The following PRELID2 variants were observed in gnomAD, a reference collection of about 807,000 sequenced individuals.
PRELID2 encodes PRELI domain containing 2.
PRELID2 carries 25 observed loss-of-function variants against 28.4 expected under a neutral mutation model. The observed-to-expected ratio is 0.88, with a 90% CI of 0.64 to 1.23. The LOEUF (loss-of-function observed/expected upper bound fraction) is 1.23, where lower values mean the gene tolerates loss of function less well. PRELID2 is among the 50% of genes most tolerant of loss of function. PRELID2 has a pLI of 0.00. For synonymous variants in PRELID2, 76 were observed against 71.6 expected (o/e 1.06, Z -0.31); for missense variants, 201 against 214.4 (o/e 0.94, Z 0.39).
chr5:145,567,406 C>T lies in PRELID2; in HGVS notation n.71-94091G>A, dbSNP rs182870714. 1.2e-3 allele frequency among the ~76,000 whole-genome samples: 172 copies of T among 139,694 alleles called. 1 individual carries two copies. The highest frequency in any genetic ancestry group is 0.011 in the South Asian group (53 of 4,668). 91.6% of individuals were successfully genotyped at this position (139,694 alleles called of 152,430 possible). A position where few individuals can be genotyped will look rare whatever the true frequency, so the allele number is the denominator to read the frequency against. ...GTTTGGTTTGGTTTTGAAACAGGGT[C>T]TCACTCTGTCACCAAGGCTGGGGTG... On this transcript the variant is annotated intron_variant and non_coding_transcript_variant, in intron 1 of 2. Coordinates refer to the PRELID2 transcript ENST00000510259.
intron 1 of PRELID2, among the ~76,000 whole-genome samples, chr5:145,698,407 T>C (rs1348283984): frequency 2.0e-5 from 3 of 152,202 alleles, no homozygotes; most frequent in African/African-American, 7.2e-5. Context: ...TAACTAAATA[T>C]ATCATTACAA....
At chr5:145,620,503 G>A (rs981322506) in intron 1 of PRELID2, among the ~76,000 whole-genome samples, 1 of 152,146 alleles carries the variant, frequency 6.6e-6, no homozygotes, top group Non-Finnish European at 1.5e-5. Flanking sequence ...GGGAGCACTA[G>A]GTATAGGGGA....
chr5:145,783,351 A>C (rs780958158), intron 5 of PRELID2, among the ~76,000 whole-genome samples: 2 of 152,224 alleles, frequency 1.3e-5, no homozygotes, highest in Admixed American at 1.3e-4. Context: ...AAAAAAATGT[A>C]TCACTTACAG....
At chr5:145,404,218 G>A in the PRELID2 span, among the ~76,000 whole-genome samples, 1 of 152,168 alleles carries the variant, frequency 6.6e-6, no homozygotes, top group East Asian at 1.9e-4. Flanking sequence ...CAGTGAAAAT[G>A]TATGATATAT....
intron 1 of PRELID2, among the ~76,000 whole-genome samples, chr5:145,726,686 A>G (rs966586631): frequency 6.6e-6 from 1 of 152,204 alleles, no homozygotes; most frequent in Non-Finnish European, 1.5e-5. Context: ...TGGATATACA[A>G]TTATGTAGGT....
chr5:145,345,253 A>C, the PRELID2 span, among the ~76,000 whole-genome samples: 3 of 152,068 alleles, frequency 2.0e-5, no homozygotes, highest in African/African-American at 7.2e-5. Flanking sequence ...CCCTGGAGAC[A>C]TAAAGGGGAA....
intron 1 of PRELID2, among the ~76,000 whole-genome samples, chr5:145,540,603 G>T (rs1752737619): frequency 6.7e-6 from 1 of 148,894 alleles, no homozygotes; most frequent in Non-Finnish European, 1.5e-5. Flanking sequence ...AGACAAACAA[G>T]TTAAATGACT....
At chr5:145,640,333 G>A (rs917130923) in intron 1 of PRELID2, among the ~76,000 whole-genome samples, 19 of 152,134 alleles carry the variant, frequency 1.2e-4, no homozygotes, top group South Asian at 4.2e-4. Flanking sequence ...AAAATTAGCC[G>A]GGCGTGGTGG....
intron 1 of PRELID2, among the ~76,000 whole-genome samples, chr5:145,648,024 A>G (rs1754226813): frequency 6.6e-6 from 1 of 152,196 alleles, no homozygotes. Flanking sequence ...ATTTTTATAC[A>G]CGACTAGGGA....
At chr5:145,625,684 C>A (rs961049721) in intron 1 of PRELID2, among the ~76,000 whole-genome samples, 7 of 152,172 alleles carry the variant, frequency 4.6e-5, no homozygotes, top group Admixed American at 1.3e-4. Context: ...AATTACTGTA[C>A]TGAAGGAAGA....
the PRELID2 span, among the ~76,000 whole-genome samples, chr5:145,257,377 G>A: frequency 2.0e-5 from 3 of 152,018 alleles, no homozygotes; most frequent in Admixed American, 6.6e-5. Flanking sequence ...ATTAACAGAG[G>A]AGGGTATAAT....
the PRELID2 span, among the ~76,000 whole-genome samples, chr5:145,403,420 C>T: frequency 1.4e-4 from 21 of 152,198 alleles, no homozygotes; most frequent in South Asian, 8.3e-4. Context: ...TAAAAGAAGA[C>T]GGGGGCAAAT....
At chr5:145,547,088 A>G (rs1200082255) in intron 1 of PRELID2, among the ~76,000 whole-genome samples, 2 of 152,200 alleles carry the variant, frequency 1.3e-5, no homozygotes, top group Admixed American at 6.5e-5. Flanking sequence ...CAAGAAGGAG[A>G]CTTCTTCAAA....
the PRELID2 span, among the ~76,000 whole-genome samples, chr5:145,233,966 A>G: frequency 2.6e-5 from 4 of 152,222 alleles, no homozygotes; most frequent in Non-Finnish European, 5.9e-5. Flanking sequence ...CACTGCTTTC[A>G]GAGTCTTTGC....
At chr5:145,579,028 T>C (rs953529850) in intron 1 of PRELID2, among the ~76,000 whole-genome samples, 8 of 152,064 alleles carry the variant, frequency 5.3e-5, no homozygotes, top group Admixed American at 4.6e-4. Flanking sequence ...TACTCATCAG[T>C]TGTATGGGCC....
rs375406558 is a variant in PRELID2, at chr5:145,545,389, ATTTAAT to A, written n.71-72080_71-72075del. Among the ~76,000 whole-genome samples, 61 of 151,940 alleles carry A rather than the reference ATTTAAT, an allele frequency of 4.0e-4. No individual in the cohort carries two copies. In the East Asian group the frequency reaches 8.3e-3, roughly 21 times the overall value. On this transcript the variant is annotated intron_variant and non_coding_transcript_variant, in intron 1 of 2. Transcript: ENST00000510259. ...GGGAGTTTCAGTTTTACTCAATGCT[ATTTAAT>A]TTTAAACATTACTTTTACACTGAAG...
At chr5:145,743,435 GA>G (rs1741002693) in intron 1 of PRELID2, among the ~76,000 whole-genome samples, 1 of 143,732 alleles carries the variant, frequency 7.0e-6, no homozygotes, top group Non-Finnish European at 1.5e-5. Flanking sequence ...AAAAAAGAAA[GA>G]AAAAGAGAAA....
At chr5:145,389,135 A>C in the PRELID2 span, among the ~76,000 whole-genome samples, 1 of 152,086 alleles carries the variant, frequency 6.6e-6, no homozygotes, top group Non-Finnish European at 1.5e-5. Context: ...CTCTCAAACT[A>C]AATTGCAACT....
intron 4 of PRELID2, among the ~76,000 whole-genome samples, chr5:145,800,537 C>T (rs76642978): frequency 3.3e-5 from 5 of 152,294 alleles, no homozygotes; most frequent in African/African-American, 1.2e-4. Context: ...CAGTCTCACA[C>T]TCTTGGGAGA....
Sources: gnomAD v4.1 joint callset for allele counts (sites outside exome capture counted in the v4.1 genomes callset) on GRCh38, gnomAD v4.1.1 for gene constraint, MANE v1.5 for transcripts, NCBI Gene and HGNC (gene_info 2026-07-23, HGNC 2026-07-21) for gene names.